DISC1: variants seen among roughly 807,000 people sequenced by gnomAD.
DISC1 encodes disrupted in schizophrenia 1 protein.
In DISC1, 57 loss-of-function variants were observed where a neutral mutation model predicts 84.5. That is an observed-to-expected ratio of 0.67 (90% CI 0.55 to 0.84). DISC1 has a LOEUF of 0.84. Ranked by LOEUF, DISC1 falls within the 40% of genes least tolerant of loss-of-function variation. The pLI, the probability that DISC1 is intolerant of heterozygous loss-of-function variation, is 0.00. For missense variants in DISC1, 1,000 were observed against 1,057.8 expected, an observed-to-expected ratio of 0.95 and a Z score of 0.76; for synonymous variants, 411 against 415.2, an observed-to-expected ratio of 0.99 and a Z score of 0.12.
rs2076131421 is a variant in DISC1, at chr1:231,765,822, A to AT, written c.1269-1312dup. Among the ~76,000 whole-genome samples the AT allele has an allele frequency of 2.0e-5, 3 of 152,138 alleles. No individual in the cohort carries two copies. In the South Asian group the frequency reaches 6.2e-4, roughly 32 times the overall value. On this transcript the variant is annotated intron_variant, in intron 4 of 12. Transcript: ENST00000439617. ...AAGTGGTTTTGACAGTCTTTAGCAAATTTTTTCTGAGAAGCTCGCATCCAA... is the reference window on the plus strand; with the variant it reads ...AAGTGGTTTTGACAGTCTTTAGCAAATTTTTTTCTGAGAAGCTCGCATCCAA...
intron 1 of DISC1, among the ~76,000 whole-genome samples, chr1:231,665,755 G>A (rs1161367205): frequency 1.3e-5 from 2 of 152,194 alleles, no homozygotes; most frequent in African/African-American, 4.8e-5. Context: ...TTTTAACTGT[G>A]CAGGTGATTG....
At chr1:231,655,870 G>T (rs145597637) in intron 1 of DISC1, among the ~76,000 whole-genome samples, 3 of 152,020 alleles carry the variant, frequency 2.0e-5, no homozygotes, top group Non-Finnish European at 2.9e-5. Flanking sequence ...GCAGTTTTTC[G>T]TATGTTTCTT....
intron 4 of DISC1, among the ~76,000 whole-genome samples, chr1:231,764,183 C>T (rs7529706): frequency 0.6 from 91,430 of 152,046 alleles, 27,954 homozygotes; most frequent in Middle Eastern, 0.73. Context: ...GTGTCAGAGC[C>T]ACAGATGTCT....
At chr1:231,730,391 C>T (rs1339339914) in intron 3 of DISC1, among the ~76,000 whole-genome samples, 1 of 152,212 alleles carries the variant, frequency 6.6e-6, no homozygotes, top group Non-Finnish European at 1.5e-5. Flanking sequence ...CTCCACATTC[C>T]TGCAGCCAGT....
chr1:231,684,539 A>C (rs1440177751), intron 1 of DISC1, among the ~76,000 whole-genome samples: 1 of 152,120 alleles, frequency 6.6e-6, no homozygotes, highest in African/African-American at 2.4e-5. Context: ...TGTAAATACC[A>C]GCAGGCTTAA....
chr1:231,841,059 C>T (rs2083019178), intron 9 of DISC1, among the ~76,000 whole-genome samples: 1 of 152,088 alleles, frequency 6.6e-6, no homozygotes, highest in Non-Finnish European at 1.5e-5. Flanking sequence ...TGGAATGCTC[C>T]AAAATCTGAA....
At chr1:231,785,617 G>A (rs1005351708) in intron 6 of DISC1, among the ~76,000 whole-genome samples, 1 of 151,992 alleles carries the variant, frequency 6.6e-6, no homozygotes, top group Non-Finnish European at 1.5e-5. Context: ...TTCATTAAAG[G>A]CCCAAGTGGC....
intron 9 of DISC1, among the ~76,000 whole-genome samples, chr1:231,865,849 A>T (rs1023948619): frequency 6.6e-6 from 1 of 152,218 alleles, no homozygotes; most frequent in Non-Finnish European, 1.5e-5. Flanking sequence ...GTTGGATATT[A>T]TCTCAGAAGA....
At chr1:232,027,813 G>GTGTGTGTGTT (rs1669622094) in intron 12 of DISC1, among the ~76,000 whole-genome samples, 1 of 151,888 alleles carries the variant, frequency 6.6e-6, no homozygotes, top group Non-Finnish European at 1.5e-5. Flanking sequence ...GTGTGTGTGT[G>GTGTGTGTGTT]TGTGTGTGTG....
intron 3 of DISC1, among the ~76,000 whole-genome samples, chr1:231,719,939 A>C (rs1390183798): frequency 6.6e-6 from 1 of 152,226 alleles, no homozygotes; most frequent in Non-Finnish European, 1.5e-5. Context: ...GATGACAGCG[A>C]TGTAGCAGAA....
At chr1:231,725,141 C>T (rs531256580) in intron 3 of DISC1, among the ~76,000 whole-genome samples, 16 of 152,238 alleles carry the variant, frequency 1.1e-4, no homozygotes, top group African/African-American at 3.6e-4. Flanking sequence ...ACCACAGTGA[C>T]GTCCCCAGTG....
chr1:232,016,112 G>T (rs1245017989), intron 11 of DISC1, among the ~76,000 whole-genome samples: 1 of 152,152 alleles, frequency 6.6e-6, no homozygotes, highest in Non-Finnish European at 1.5e-5. Context: ...CACTTGGAAG[G>T]GGTGACATCC....
intron 7 of DISC1, 24 bp from the exon 8 acceptor site, chr1:231,800,084 T>A (rs1272356511): frequency 3.2e-6 from 5 of 1,566,874 alleles, no homozygotes; most frequent in African/African-American, 1.4e-5. Flanking sequence ...AAATGATGAT[T>A]CCTGGTCATT....
chr1:231,938,371 G>A (rs1291839083), intron 9 of DISC1, among the ~76,000 whole-genome samples: 1 of 152,140 alleles, frequency 6.6e-6, no homozygotes, highest in South Asian at 2.1e-4. Flanking sequence ...GAGAAGTGCT[G>A]GATGACATGC....
At chr1:231,985,331 C>T (rs1664256085) in intron 10 of DISC1, among the ~76,000 whole-genome samples, 4 of 121,128 alleles carry the variant, frequency 3.3e-5, no homozygotes, top group Admixed American at 2.2e-4. Flanking sequence ...CATCCCCCCA[C>T]CCACCAAAAA....
At position 231,630,537 on chromosome 1, in the gene DISC1, T is replaced by G. The variant is rs965190033; in HGVS notation, c.67+3603T>G. Among the ~76,000 whole-genome samples the G allele has an allele frequency of 1.3e-5, 2 of 152,054 alleles. No homozygotes were observed. The highest frequency in any genetic ancestry group is 4.8e-5 in the African/African-American group (2 of 41,378). The stretch of plus-strand genomic sequence containing the variant: ...ATGAATCCAAGCAGAGCCCACTGTT[T>G]CCAGAGATTCCCTTGGCAGCCACCC... On this transcript the variant is annotated intron_variant, in intron 1 of 12. Transcript: ENST00000439617. The surrounding 1 kb of genome is among the most constrained non-coding windows in gnomAD (Gnocchi z 4.4).
At chr1:231,994,993 A>T (rs898888181) in intron 10 of DISC1, among the ~76,000 whole-genome samples, 1 of 152,204 alleles carries the variant, frequency 6.6e-6, no homozygotes, top group Non-Finnish European at 1.5e-5. Flanking sequence ...GTTCCTCGTT[A>T]AATACTCTTT....
rs190957617 is a variant in DISC1, at chr1:231,701,926, T to C, written c.1048-29T>C. Reference sequence around the variant, plus strand: ...GTTTGCTTGAATTCTATTGTAATTTTTTATTTTTTCCCCTTTAAACCAACA... The same window carrying C: ...GTTTGCTTGAATTCTATTGTAATTTCTTATTTTTTCCCCTTTAAACCAACA... On this transcript the variant is annotated intron_variant, in intron 2 of 12. Transcript: ENST00000439617. 3 of 1,557,186 alleles carry C rather than the reference T, an allele frequency of 1.9e-6. No homozygotes were observed. In the Admixed American group the frequency reaches 5.3e-5, roughly 28 times the overall value.
chr1:231,878,073 G>A (rs2086024408), intron 9 of DISC1, among the ~76,000 whole-genome samples: 1 of 152,156 alleles, frequency 6.6e-6, no homozygotes, highest in Non-Finnish European at 1.5e-5. Context: ...AAATGACACT[G>A]ATACCTTAAA....
Sources: gnomAD v4.1 joint callset for allele counts (sites outside exome capture counted in the v4.1 genomes callset) on GRCh38, gnomAD v4.1.1 for gene constraint, Gnocchi (gnomAD v3.1) non-coding constraint, MANE v1.5 for transcripts, NCBI Gene and HGNC (gene_info 2026-07-23, HGNC 2026-07-21) for gene names.